SGCZ: variants seen among roughly 807,000 people sequenced by gnomAD.
SGCZ encodes the protein sarcoglycan zeta.
In SGCZ, 40 loss-of-function variants were observed where a neutral mutation model predicts 41.3. The observed-to-expected ratio is 0.97, with a 90% CI of 0.75 to 1.26. SGCZ has a LOEUF of 1.26. SGCZ is among the 50% of genes most tolerant of loss of function. The probability of loss-of-function intolerance (pLI) is 0.00; values close to 1 mark genes in which losing one functional copy is unlikely to be tolerated. For missense variants in SGCZ, 552 were observed against 369.8 expected, an observed-to-expected ratio of 1.49 and a Z score of -4.04; for synonymous variants, 206 against 137.5, an observed-to-expected ratio of 1.50 and a Z score of -3.49.
rs1809371510 is a variant in SGCZ at position 14,707,535 on chromosome 8, T to C, written c.40-152609A>G. 2.0e-5 allele frequency among the ~76,000 whole-genome samples: 3 copies of C among 152,246 alleles called. No individual in the cohort carries two copies. The South Asian group carries it at 6.2e-4, about 32-fold the overall frequency. Reference sequence around the variant, plus strand: ...AACAAAAGAACCTCAAATCTACGTCTATAAAAGACTGAATGGTGGGCTAAT... The same window carrying C: ...AACAAAAGAACCTCAAATCTACGTCCATAAAAGACTGAATGGTGGGCTAAT... On this transcript the variant is annotated intron_variant, in intron 1 of 7. Transcript: ENST00000382080.
chr8:14,571,278 T>A (rs1188840281), intron 1 of SGCZ, among the ~76,000 whole-genome samples: 1 of 152,072 alleles, frequency 6.6e-6, no homozygotes, highest in East Asian at 1.9e-4. Flanking sequence ...ACCAGGTCAC[T>A]CCCTCGGCAC....
intron 1 of SGCZ, among the ~76,000 whole-genome samples, chr8:14,896,909 G>T (rs1805221656): frequency 6.6e-6 from 1 of 152,066 alleles, no homozygotes. Flanking sequence ...GCCCTCCTGA[G>T]TAGCTGGGAT....
At chr8:14,526,129 T>G (rs1033135950) in intron 2 of SGCZ, among the ~76,000 whole-genome samples, 5 of 152,124 alleles carry the variant, frequency 3.3e-5, no homozygotes, top group Admixed American at 2.6e-4. Context: ...TAAAAACAAA[T>G]TTAAGCTAAT....
intron 1 of SGCZ, among the ~76,000 whole-genome samples, chr8:14,745,531 A>G (rs1212167378): frequency 1.1e-4 from 16 of 152,094 alleles, no homozygotes; most frequent in Admixed American, 1.0e-3. Context: ...GCAGTGATCT[A>G]TGATCGTGCT....
chr8:14,740,751 C>G (rs1372819930), intron 1 of SGCZ, among the ~76,000 whole-genome samples: 9 of 151,978 alleles, frequency 5.9e-5, no homozygotes, highest in African/African-American at 2.2e-4. Flanking sequence ...TGAGGATCAT[C>G]TCCCCCTTTG....
chr8:14,487,000 G>C (rs1232966778), intron 2 of SGCZ, among the ~76,000 whole-genome samples: 8 of 152,138 alleles, frequency 5.3e-5, no homozygotes, highest in Non-Finnish European at 2.9e-5. Context: ...TGAAACATGT[G>C]TGCCACCTAA....
intron 1 of SGCZ, among the ~76,000 whole-genome samples, chr8:14,830,701 T>G (rs1802497459): frequency 6.6e-6 from 1 of 152,192 alleles, no homozygotes; most frequent in Non-Finnish European, 1.5e-5. Context: ...TGCTGCTGAT[T>G]TATATGTCAT....
intron 1 of SGCZ, among the ~76,000 whole-genome samples, chr8:15,174,127 A>G (rs79564220): frequency 0.014 from 2,064 of 152,314 alleles, 48 homozygotes; most frequent in African/African-American, 0.047. Flanking sequence ...TTAATAGTTC[A>G]AAACATCATG....
intron 1 of SGCZ, among the ~76,000 whole-genome samples, chr8:15,131,123 C>CACATTAAGTTAT (rs1807881771): frequency 6.6e-6 from 1 of 152,120 alleles, no homozygotes; most frequent in African/African-American, 2.4e-5. Flanking sequence ...AAGTTATTAA[C>CACATTAAGTTAT]TAATGACTTA....
At chr8:14,559,595 T>G (rs1348960690) in intron 1 of SGCZ, among the ~76,000 whole-genome samples, 2 of 152,046 alleles carry the variant, frequency 1.3e-5, no homozygotes, top group Admixed American at 6.6e-5. Context: ...GAAATTTTTA[T>G]AAAAATTATT....
At chr8:14,327,637 T>C (rs1156762226) in intron 2 of SGCZ, among the ~76,000 whole-genome samples, 1 of 152,240 alleles carries the variant, frequency 6.6e-6, no homozygotes, top group East Asian at 1.9e-4. Flanking sequence ...ACTTATGCTA[T>C]GTGCATCTTT....
At chr8:14,752,423 G>C (rs1288090947) in intron 1 of SGCZ, among the ~76,000 whole-genome samples, 1 of 152,032 alleles carries the variant, frequency 6.6e-6, no homozygotes, top group Non-Finnish European at 1.5e-5. Context: ...CTTTTATTTT[G>C]CTTGGGCCAA....
At chr8:14,188,914 C>A (rs1585214307) in intron 4 of SGCZ, among the ~76,000 whole-genome samples, 1 of 150,782 alleles carries the variant, frequency 6.6e-6, no homozygotes, top group East Asian at 1.9e-4. Flanking sequence ...TCATTGCAAC[C>A]TCCATCACCC....
chr8:14,392,053 A>G (rs955469005), intron 2 of SGCZ, among the ~76,000 whole-genome samples: 2 of 152,176 alleles, frequency 1.3e-5, no homozygotes, highest in Non-Finnish European at 2.9e-5. Context: ...CACAGATCCA[A>G]ACTATAGCAA....
intron 1 of SGCZ, among the ~76,000 whole-genome samples, chr8:15,097,866 G>GTGTGTATATA (rs1806430002): frequency 2.9e-5 from 2 of 68,506 alleles, no homozygotes; most frequent in African/African-American, 1.2e-4. Context: ...ACGTGTGTGT[G>GTGTGTATATA]TATATATATA....
rs551323778 is a variant in SGCZ, at chr8:14,372,222, T to C, written c.235-48018A>G. ...GGTCCAATATTAACATTGAGAATTATATGAAGACTAAATTTGCGAAACAGA... is the reference window on the plus strand; with the variant it reads ...GGTCCAATATTAACATTGAGAATTACATGAAGACTAAATTTGCGAAACAGA... On this transcript the variant is annotated intron_variant, in intron 2 of 7. Coordinates refer to ENST00000382080, the MANE Select transcript of SGCZ (RefSeq NM_139167.4). Among the ~76,000 whole-genome samples, 6 of 152,290 alleles carry C rather than the reference T, an allele frequency of 3.9e-5. No homozygotes were observed. The South Asian group carries it at 1.2e-3, about 32-fold the overall frequency.
intron 5 of SGCZ, among the ~76,000 whole-genome samples, chr8:14,143,946 T>G (rs1803448318): frequency 6.6e-6 from 1 of 152,036 alleles, no homozygotes. Context: ...GGGGAAACAT[T>G]TAAACCAGCC....
intron 1 of SGCZ, among the ~76,000 whole-genome samples, chr8:15,151,226 C>T (rs2117018272): frequency 6.6e-6 from 1 of 152,324 alleles, no homozygotes. Context: ...CTAATCAAGG[C>T]TTCAGATGAA....
Position 14,087,462 on chromosome 8 carries a change from C to A in SGCZ, c.*2981G>T, listed in dbSNP as rs1801554172. Reference sequence around the variant, plus strand: ...ACTTAAATGCTAGCAAAACTACCAACCTCTTTTTCTTCTTCCGTTTGTTCC... The same window carrying A: ...ACTTAAATGCTAGCAAAACTACCAAACTCTTTTTCTTCTTCCGTTTGTTCC... On this transcript the variant is annotated 3_prime_UTR_variant, in exon 8 of 8. Transcript: ENST00000382080. Among the ~76,000 whole-genome samples the A allele has an allele frequency of 6.6e-6, 1 of 151,536 alleles. No individual in the cohort carries two copies. The highest frequency in any genetic ancestry group is 1.5e-5 in the Non-Finnish European group (1 of 67,708).
Sources: allele counts gnomAD v4.1 joint callset (sites outside exome capture counted in the v4.1 genomes callset), GRCh38; gene constraint gnomAD v4.1.1; transcripts MANE v1.5; gene names NCBI Gene and HGNC (gene_info 2026-07-23, HGNC 2026-07-21).